The following BRWD3 variants were observed in gnomAD, a reference collection of about 807,000 sequenced individuals.
BRWD3 encodes bromodomain and WD repeat domain containing 3, also known as bromodomain and WD repeat-containing protein 3.
A neutral mutation model predicts 149.7 loss-of-function variants in BRWD3; 10 were observed. The observed-to-expected ratio is 0.07, with a 90% confidence interval of 0.04 to 0.11. The LOEUF is 0.11. Among genes scored for constraint, BRWD3 ranks in the 10% least tolerant of loss-of-function variants. The probability of loss-of-function intolerance (pLI) is 1.00; values close to 1 mark genes in which losing one functional copy is unlikely to be tolerated. For missense variants in BRWD3, 940 were observed against 1,373.2 expected (o/e 0.68, Z 4.99); for synonymous variants, 504 against 456.7 (o/e 1.10, Z -1.32).
chrX:80,766,149 C>T (rs879176362), intron 6 of BRWD3, among the ~76,000 whole-genome samples: 1 of 111,343 alleles, frequency 9.0e-6, no homozygotes, highest in Admixed American at 9.5e-5. Flanking sequence ...TATTCAATAC[C>T]TTGGAGGTCT....
In BRWD3 at chrX:80,775,285, CT is replaced by C. The variant is rs753617622; in HGVS notation, c.430+16568del. Among the ~76,000 whole-genome samples, 5 of 111,748 alleles carry C rather than the reference CT, an allele frequency of 4.5e-5. No individual in the cohort carries two copies. The East Asian group carries it at 1.1e-3, about 25-fold the overall frequency. ...TAGAGGATGTAGAATAATTGGGCCC[CT>C]ACCTCCCTTTCCAGTCTCAACTCCC... On this transcript the variant is annotated intron_variant, in intron 6 of 40. Coordinates refer to ENST00000373275, the MANE Select transcript of BRWD3 (RefSeq NM_153252.5).
At chrX:80,759,596 T>A (rs2073781696) in intron 6 of BRWD3, among the ~76,000 whole-genome samples, 1 of 112,286 alleles carries the variant, frequency 8.9e-6, no homozygotes, top group African/African-American at 3.2e-5. Flanking sequence ...GCTATGAATG[T>A]GATACCATTA....
At chrX:80,745,410 T>C (rs1029969462) in intron 7 of BRWD3, among the ~76,000 whole-genome samples, 159 bp downstream of exon 7, 17 of 112,373 alleles carry the variant, frequency 1.5e-4, no homozygotes, top group African/African-American at 4.2e-4. Context: ...CGTTTACTTA[T>C]ATAAAATGAG....
intron 20 of BRWD3, among the ~76,000 whole-genome samples, chrX:80,712,677 C>T (rs754468733): frequency 2.2e-4 from 21 of 95,474 alleles, no homozygotes; most frequent in African/African-American, 5.9e-4. Context: ...CGTCTCTGCC[C>T]AGCCGCCATC....
chrX:80,706,461 A>G (rs189858495), intron 22 of BRWD3, among the ~76,000 whole-genome samples: 61 of 111,834 alleles, frequency 5.5e-4, no homozygotes, highest in African/African-American at 1.9e-3. Flanking sequence ...TTTAAGGTTT[A>G]AAATTTTTTT....
chrX:80,682,653 C>G (rs1385466159), intron 37 of BRWD3, 25 bp from the exon 38 acceptor site: 2 of 1,187,308 alleles, frequency 1.7e-6, no homozygotes, highest in Non-Finnish European at 2.3e-6. Flanking sequence ...ATTATATAGT[C>G]TTAACTAGTT....
chrX:80,744,071 T>C lies in BRWD3; in HGVS notation c.774A>G (p.Ala258=), dbSNP rs1474112576. The C allele has an allele frequency of 8.3e-7, 1 of 1,211,578 alleles. No homozygotes were observed. Among genetic ancestry groups the C allele is most frequent in the Middle Eastern group, 2.3e-4 (1 of 4,352 alleles). The change falls in exon 8 of 41, where the codon GCA becomes GCG. Residue 258 remains alanine, a synonymous_variant. Coordinates refer to ENST00000373275, the MANE Select transcript of BRWD3 (RefSeq NM_153252.5). Reference sequence around the variant, plus strand: ...TAGAAGCTGAATGGCCCTGAAGGACTGCAACGGGTGCACAAGTTCGAAGAC... The same window carrying C: ...TAGAAGCTGAATGGCCCTGAAGGACCGCAACGGGTGCACAAGTTCGAAGAC... ...VWCLRTCAPV[A]VLQGHSASIT...
chrX:80,762,901 C>G (rs1050817347), intron 6 of BRWD3, among the ~76,000 whole-genome samples: 1 of 110,408 alleles, frequency 9.1e-6, no homozygotes, highest in Non-Finnish European at 1.9e-5. Flanking sequence ...TCTCTGGGGT[C>G]TCAGTAGTCT....
Position 80,808,618 on chromosome X carries a change from A to G in BRWD3, c.121-20T>C. On this transcript the variant is annotated intron_variant, in intron 3 of 40. Coordinates refer to ENST00000373275, the MANE Select transcript of BRWD3 (RefSeq NM_153252.5). The stretch of plus-strand genomic sequence containing the variant: ...AATCAGCTGGGGGCCGGACGAAAAG[A>G]AAGGGGGAAGCGGAGGCAAATGATG... 1.7e-6 allele frequency: 2 copies of G among 1,200,814 alleles called. No individual in the cohort carries two copies. Among genetic ancestry groups the G allele is most frequent in the Non-Finnish European group, 1.1e-6 (1 of 886,527 alleles).
intron 20 of BRWD3, chrX:80,710,654 T>C: frequency 3.9e-6 from 3 of 778,563 alleles, no homozygotes; most frequent in Non-Finnish European, 5.8e-6. Flanking sequence ...AGGCAAAGCC[T>C]GCTCAACCTG....
chrX:80,794,061 C>A (rs1173356886), intron 4 of BRWD3, among the ~76,000 whole-genome samples: 1 of 110,938 alleles, frequency 9.0e-6, no homozygotes, highest in East Asian at 2.8e-4. Context: ...GCCTGTAATC[C>A]CCGTTACTCA....
At chrX:80,728,677 G>A in intron 14 of BRWD3, 75 bp downstream of exon 14, 1 of 943,567 alleles carries the variant, frequency 1.1e-6, no homozygotes, top group Admixed American at 3.0e-5. Flanking sequence ...AAAGGAACCT[G>A]GAACTTAAAT....
Position 80,796,659 on chromosome X carries a change from T to G in BRWD3, c.181-2887A>C, listed in dbSNP as rs186252963. ...AAACAATTTGAATCTACCAAAATAA[T>G]TGAAGCCTGTGCAACTGTCATGATG... On this transcript the variant is annotated intron_variant, in intron 4 of 40. Transcript: ENST00000373275. 6.8e-3 allele frequency among the ~76,000 whole-genome samples: 759 copies of G among 111,863 alleles called. 7 individuals carry two copies. The highest frequency in any genetic ancestry group is 0.023 in the African/African-American group (697 of 30,829).
intron 20 of BRWD3, 90 bp from the exon 21 acceptor site, chrX:80,709,667 G>C: frequency 1.3e-6 from 1 of 769,403 alleles, no homozygotes; most frequent in Non-Finnish European, 1.9e-6. Context: ...GTGGGGGGTA[G>C]GGGTGAGTAG....
intron 6 of BRWD3, among the ~76,000 whole-genome samples, chrX:80,775,642 T>G (rs943105729): frequency 4.5e-5 from 5 of 111,750 alleles, no homozygotes; most frequent in Non-Finnish European, 7.5e-5. Context: ...GCAGGATACT[T>G]TTGTGCAAAG....
intron 37 of BRWD3, among the ~76,000 whole-genome samples, chrX:80,683,209 C>CA (rs1378812841): frequency 9.0e-6 from 1 of 111,094 alleles, no homozygotes; most frequent in Non-Finnish European, 1.9e-5. Flanking sequence ...AAAAATGCTT[C>CA]AAAATACGAA....
intron 20 of BRWD3, chrX:80,709,988 G>A: frequency 8.9e-7 from 1 of 1,127,340 alleles, no homozygotes; most frequent in Non-Finnish European, 1.2e-6. Flanking sequence ...AACTGAATAT[G>A]CAATGGAAGC....
At chrX:80,789,136 A>C (rs1007883472) in intron 6 of BRWD3, among the ~76,000 whole-genome samples, 4 of 112,135 alleles carry the variant, frequency 3.6e-5, no homozygotes, top group African/African-American at 1.3e-4. Context: ...CTAGGTATAA[A>C]TCTGTCATAC....
At chrX:80,790,510 T>C (rs2074169648) in intron 6 of BRWD3, among the ~76,000 whole-genome samples, 1 of 111,551 alleles carries the variant, frequency 9.0e-6, no homozygotes, top group Non-Finnish European at 1.9e-5. Flanking sequence ...TTTAAAAACA[T>C]CAGTGCCAGG....
Sources: allele counts gnomAD v4.1 joint callset (sites outside exome capture counted in the v4.1 genomes callset), GRCh38; gene constraint gnomAD v4.1.1; transcripts MANE v1.5; gene names NCBI Gene and HGNC (gene_info 2026-07-23, HGNC 2026-07-21).